ATRX: variants seen among roughly 807,000 people sequenced by gnomAD.
The protein encoded by ATRX is chromatin remodeler ATRX.
A neutral mutation model predicts 172.6 loss-of-function variants in ATRX; 12 were observed. That is an observed-to-expected ratio of 0.07 (90% confidence interval 0.04 to 0.11). The LOEUF is 0.11. ATRX is among the 10% of genes least tolerant of loss of function. The pLI is 1.00. For synonymous variants in ATRX, 674 were observed against 594.7 expected (o/e 1.13, Z -1.94); for missense variants, 1,368 against 1,767.4 (o/e 0.77, Z 4.05).
chrX:77,731,483 C>T (rs782403856), intron 1 of ATRX, among the ~76,000 whole-genome samples: 1 of 111,918 alleles, frequency 8.9e-6, no homozygotes, highest in African/African-American at 3.2e-5. Context: ...TGAAACCCCA[C>T]GTTCAAGCCA....
chrX:77,724,728 T>A (rs1557171544), intron 1 of ATRX, among the ~76,000 whole-genome samples: 1 of 111,863 alleles, frequency 8.9e-6, no homozygotes, highest in Non-Finnish European at 1.9e-5. Flanking sequence ...TCCCAACATA[T>A]CATCAGGAAT....
intron 30 of ATRX, among the ~76,000 whole-genome samples, chrX:77,526,182 A>G (rs1236384676): frequency 8.9e-6 from 1 of 112,028 alleles, no homozygotes; most frequent in Non-Finnish European, 1.9e-5. Flanking sequence ...TCACACCACA[A>G]AGAATGTCTG....
intron 2 of ATRX, among the ~76,000 whole-genome samples, chrX:77,703,146 C>T (rs1439376474): frequency 8.8e-6 from 1 of 113,053 alleles, no homozygotes; most frequent in Non-Finnish European, 1.9e-5. Flanking sequence ...TCTTATGATG[C>T]CAGTGTTACA....
chrX:77,685,005 T>C lies in ATRX; in HGVS notation c.596A>G (p.Asn199Ser). ...HPSLQVLICKNCFKYYMSDDI... is the reference protein window; with the variant it reads ...HPSLQVLICKSCFKYYMSDDI... ...ATCACTCATGTAATACTTAAAGCAA[T>C]TCTATTAAAAGAAAAGAGGAAGGGG... is the stretch of plus-strand genomic sequence containing the variant. The change falls in exon 8 of 35, where the codon AAT (asparagine) becomes AGT (serine). Residue 199 changes from asparagine to serine, a missense_variant and splice_region_variant. By Grantham distance (46) the Asn-to-Ser change is conservative. Around this residue, in one of 17 missense-constraint regions of ATRX, gnomAD observed 9 missense variants for 69.7 expected, o/e 0.13. Coordinates refer to ENST00000373344, the MANE Select transcript of ATRX (RefSeq NM_000489.6). 2 of 1,183,318 alleles carry C rather than the reference T, an allele frequency of 1.7e-6. No homozygotes were observed. The highest frequency in any genetic ancestry group is 2.3e-6 in the Non-Finnish European group (2 of 870,183).
intron 15 of ATRX, among the ~76,000 whole-genome samples, chrX:77,636,326 C>G (rs782761349): frequency 4.5e-5 from 5 of 111,200 alleles, no homozygotes; most frequent in South Asian, 3.8e-4. Context: ...ATTCTTGTGA[C>G]AGTGAGCGAG....
At position 77,682,716 on chromosome X, in the gene ATRX, A is replaced by G. The variant is rs45624939; in HGVS notation, c.2540T>C (p.Phe847Ser). Residue 847 changes from phenylalanine to serine, a missense_variant, in exon 9 of 35, where the codon TTT (phenylalanine) becomes TCT (serine). By Grantham distance (155) the Phe-to-Ser change is radical (BLOSUM62 -2). Transcript: ENST00000373344. Reference sequence around the variant, plus strand: ...GTGTTTCTCATCTTCAGAAGAGTCAAAATCTTTTGTATTTGGAATTCTTTT... The same window carrying G: ...GTGTTTCTCATCTTCAGAAGAGTCAGAATCTTTTGTATTTGGAATTCTTTT... ...TKKRIPNTKD[F>S]DSSEDEKHSK... 9.7e-4 allele frequency: 1,172 copies of G among 1,207,490 alleles called. 19 individuals carry two copies. In the East Asian group the frequency reaches 0.033, roughly 34 times the overall value.
intron 19 of ATRX, among the ~76,000 whole-genome samples, chrX:77,626,083 ATG>A (rs2067838254): frequency 2.5e-4 from 16 of 65,140 alleles, no homozygotes; most frequent in African/African-American, 9.9e-4. Context: ...ATATATATAT[ATG>A]ATGGAATACT....
intron 27 of ATRX, among the ~76,000 whole-genome samples, chrX:77,586,172 T>C (rs1234648087): frequency 8.9e-6 from 1 of 112,384 alleles, no homozygotes; most frequent in Non-Finnish European, 1.9e-5. Flanking sequence ...AAAGGATAAA[T>C]GTTTGAGGTG....
chrX:77,758,515 G>C (rs1049339900), intron 1 of ATRX, among the ~76,000 whole-genome samples: 13 of 109,631 alleles, frequency 1.2e-4, no homozygotes, highest in Non-Finnish European at 2.1e-4. Context: ...CAGCACTTTG[G>C]GAGGCCAAGG....
chrX:77,538,230 AACACACACACACACACACACAC>A (rs34675782), intron 30 of ATRX, among the ~76,000 whole-genome samples: 1 of 95,991 alleles, frequency 1.0e-5, no homozygotes, highest in Non-Finnish European at 2.1e-5. Context: ...TACACACACA[AACACACACACACACACACACAC>A]ACACACACAC....
intron 34 of ATRX, among the ~76,000 whole-genome samples, chrX:77,516,322 ATCTGTT>A (rs1199342512): frequency 1.8e-5 from 2 of 112,020 alleles, no homozygotes; most frequent in African/African-American, 6.5e-5. Context: ...AGACCCAACC[ATCTGTT>A]TCCTGTAAGA....
Position 77,549,963 on chromosome X carries a change from A to G in ATRX, c.6699+7488T>C, listed in dbSNP as rs184804779. 3.6e-4 allele frequency among the ~76,000 whole-genome samples: 40 copies of G among 110,741 alleles called. No homozygotes were observed. In the East Asian group the frequency reaches 0.01, roughly 29 times the overall value. Reference sequence around the variant, plus strand: ...AACGAGACCTTGTCTCAAAAATGAAATGAAATGAAATGAAATGAAATGAAA... The same window carrying G: ...AACGAGACCTTGTCTCAAAAATGAAGTGAAATGAAATGAAATGAAATGAAA... On this transcript the variant is annotated intron_variant, in intron 30 of 34. Transcript: ENST00000373344.
chrX:77,632,737 C>T (rs186597246), intron 19 of ATRX, among the ~76,000 whole-genome samples: 1 of 112,091 alleles, frequency 8.9e-6, no homozygotes, highest in Non-Finnish European at 1.9e-5. Context: ...CTGGCTCTCA[C>T]ATCAGATTAC....
At chrX:77,730,353 A>G (rs2074245060) in intron 1 of ATRX, among the ~76,000 whole-genome samples, 1 of 112,304 alleles carries the variant, frequency 8.9e-6, no homozygotes, top group Admixed American at 9.5e-5. Flanking sequence ...AAGTATTATT[A>G]GAGCAAAAGG....
chrX:77,686,159 A>C, intron 7 of ATRX, among the ~76,000 whole-genome samples: 1 of 112,280 alleles, frequency 8.9e-6, no homozygotes, highest in Non-Finnish European at 1.9e-5. Context: ...GACTACAGTC[A>C]ATAGCAACTT....
chrX:77,731,749 A>G (rs2074307381), intron 1 of ATRX, among the ~76,000 whole-genome samples: 1 of 111,110 alleles, frequency 9.0e-6, no homozygotes, highest in Non-Finnish European at 1.9e-5. Context: ...GAAAGGAGAC[A>G]GCATGACTTA....
intron 19 of ATRX, among the ~76,000 whole-genome samples, chrX:77,620,867 T>G (rs1414149970): frequency 1.8e-5 from 2 of 112,104 alleles, no homozygotes; most frequent in African/African-American, 6.5e-5. Context: ...CTTTTAAAAT[T>G]GAAAAGTCTT....
chrX:77,584,997 AAAT>A (rs1473204063), intron 27 of ATRX, among the ~76,000 whole-genome samples: 2 of 112,032 alleles, frequency 1.8e-5, no homozygotes, highest in Non-Finnish European at 3.8e-5. Context: ...AAAATGGACA[AAAT>A]AATAATCATT....
chrX:77,603,703 A>ATTC (rs1557088621), intron 22 of ATRX, among the ~76,000 whole-genome samples: 7 of 110,824 alleles, frequency 6.3e-5, no homozygotes, highest in African/African-American at 2.0e-4. Flanking sequence ...AACAAAGCTG[A>ATTC]AGGTATCACA....
Sources: gnomAD v4.1 joint callset for allele counts (sites outside exome capture counted in the v4.1 genomes callset) on GRCh38, gnomAD v4.1.1 for gene constraint, gnomAD v4.1.1 regional missense constraint, MANE v1.5 for transcripts, NCBI Gene and HGNC (gene_info 2026-07-23, HGNC 2026-07-21) for gene names.